Variants in NME8 observed in about 807,000 individuals in gnomAD.
NME8 encodes the protein protein NME8.
A neutral mutation model predicts 82.3 loss-of-function variants in NME8; 72 were observed. The observed-to-expected ratio is 0.87, with a 90% CI of 0.72 to 1.06. NME8 has a LOEUF of 1.06. NME8 is among the 50% of genes least tolerant of loss of function. The pLI, the probability that NME8 is intolerant of heterozygous loss-of-function variation, is 0.00. For missense variants in NME8, 712 were observed against 685.4 expected, an observed-to-expected ratio of 1.04 and a Z score of -0.43; for synonymous variants, 267 against 228.5, an observed-to-expected ratio of 1.17 and a Z score of -1.52.
chr7:37,884,362 G>A lies in NME8; in HGVS notation c.1054G>A (p.Val352Ile). 6.2e-7 allele frequency: 1 copy of A among 1,601,802 alleles called. No homozygotes were observed. The highest frequency in any genetic ancestry group is 8.6e-7 in the Non-Finnish European group (1 of 1,168,834). Residue 352 changes from valine (V) to isoleucine (I), a missense_variant, in exon 13 of 18, where the codon GTA becomes ATA. By Grantham distance (29) the Val-to-Ile change is conservative (BLOSUM62 3). Coordinates refer to ENST00000199447, the MANE Select transcript of NME8 (RefSeq NM_016616.5). The stretch of plus-strand genomic sequence containing the variant: ...CAAAATACTGGAGCAAAGACAAGTA[G>A]TATTATCGGAAAAAGAAGCACAAGC... Reference protein sequence around the residue: ...DFKILEQRQVVLSEKEAQALC... With the variant: ...DFKILEQRQVILSEKEAQALC...
chr7:37,871,567 C>T (rs931152310), intron 11 of NME8, among the ~76,000 whole-genome samples: 1 of 152,062 alleles, frequency 6.6e-6, no homozygotes, highest in Admixed American at 6.6e-5. Flanking sequence ...TGTGTTGATT[C>T]ATTCATCTAG....
intron 5 of NME8, among the ~76,000 whole-genome samples, chr7:37,852,366 G>C (rs1036971535): frequency 6.6e-6 from 1 of 151,936 alleles, no homozygotes; most frequent in East Asian, 1.9e-4. Flanking sequence ...ACCAAAAGCC[G>C]TAGTTTACAT....
rs538461690 is a variant in NME8, at chr7:37,893,836, T to A, written c.1400-630T>A. On this transcript the variant is annotated intron_variant, in intron 15 of 17. Transcript: ENST00000199447. The stretch of plus-strand genomic sequence containing the variant: ...TGTCTTAGGGCAGATCCTGGCCACC[T>A]CCCTTCCAGCAGGAGAGGTCCAGCC... 9.9e-5 allele frequency among the ~76,000 whole-genome samples: 15 copies of A among 152,256 alleles called. No individual in the cohort carries two copies. The South Asian group carries it at 2.5e-3, about 25-fold the overall frequency.
chr7:37,891,807 G>A (rs1785133604), intron 15 of NME8, among the ~76,000 whole-genome samples: 1 of 151,894 alleles, frequency 6.6e-6, no homozygotes, highest in African/African-American at 2.4e-5. Context: ...AAGTTGGGAT[G>A]GATAGGCTTG....
intron 12 of NME8, among the ~76,000 whole-genome samples, chr7:37,880,560 G>A (rs1784928931): frequency 6.6e-6 from 1 of 152,108 alleles, no homozygotes; most frequent in African/African-American, 2.4e-5. Context: ...AATCAATGTG[G>A]CTAGGTCTGG....
chr7:37,850,498 T>A, intron 4 of NME8, 63 bp downstream of exon 4: 1 of 1,586,442 alleles, frequency 6.3e-7, no homozygotes, highest in Non-Finnish European at 8.7e-7. Flanking sequence ...CCTGGCACCC[T>A]GTCCCTCTAG....
chr7:37,850,793 TCCTC>T, intron 5 of NME8, 58 bp downstream of exon 5: 1 of 1,078,278 alleles, frequency 9.3e-7, no homozygotes, highest in Non-Finnish European at 1.4e-6. Flanking sequence ...TTTTTAAGTA[TCCTC>T]TAATACTTTA....
At chr7:37,883,270 T>C (rs1583640989) in intron 12 of NME8, among the ~76,000 whole-genome samples, 1 of 152,188 alleles carries the variant, frequency 6.6e-6, no homozygotes, top group East Asian at 1.9e-4. Flanking sequence ...GTACCCTCAT[T>C]TGAGAAATCT....
At chr7:37,871,710 A>G (rs369914894) in intron 11 of NME8, among the ~76,000 whole-genome samples, 1 of 152,088 alleles carries the variant, frequency 6.6e-6, no homozygotes, top group Non-Finnish European at 1.5e-5. Context: ...AACCACCTCT[A>G]CTATATTGTA....
At position 37,850,311 on chromosome 7, in the gene NME8, A is replaced by C. The variant is rs188238656; in HGVS notation, c.33+12A>C. On this transcript the variant is annotated intron_variant, in intron 3 of 17. Transcript: ENST00000199447. ...AAGTCCAGTTACAGGTGGGTCTGAC[A>C]TATCAACAATTCTTTATCTGGTGCA... 1 of 1,614,168 alleles carries C rather than the reference A, an allele frequency of 6.2e-7. No homozygotes were observed.
At chr7:37,865,861 C>T (rs2131950666) in intron 10 of NME8, among the ~76,000 whole-genome samples, 1 of 152,138 alleles carries the variant, frequency 6.6e-6, no homozygotes, top group South Asian at 2.1e-4. Context: ...GACATGAAGA[C>T]CTCTTTATGT....
At chr7:37,857,234 A>G (rs925705213) in intron 5 of NME8, 40 bp from the exon 6 acceptor site, 3 of 1,424,564 alleles carry the variant, frequency 2.1e-6, no homozygotes, top group Non-Finnish European at 2.0e-6. Context: ...ACTTGAATAT[A>G]GTTTTATTTA....
intron 11 of NME8, among the ~76,000 whole-genome samples, chr7:37,871,131 G>C (rs182195891): frequency 6.6e-6 from 1 of 152,204 alleles, no homozygotes; most frequent in African/African-American, 2.4e-5. Context: ...ATTGAACTGG[G>C]AGTGATTGGT....
At chr7:37,852,786 G>C (rs1438974282) in intron 5 of NME8, among the ~76,000 whole-genome samples, 3 of 152,196 alleles carry the variant, frequency 2.0e-5, no homozygotes, top group Admixed American at 1.3e-4. Flanking sequence ...GGAAAAGGCT[G>C]CTATAAGCAT....
At chr7:37,879,307 C>T (rs988369480) in intron 12 of NME8, among the ~76,000 whole-genome samples, 2 of 151,970 alleles carry the variant, frequency 1.3e-5, no homozygotes, top group East Asian at 1.9e-4. Context: ...CCACCATGCC[C>T]GGCTAATTTT....
chr7:37,853,029 T>G (rs1784458597), intron 5 of NME8, among the ~76,000 whole-genome samples: 3 of 152,218 alleles, frequency 2.0e-5, no homozygotes, highest in Non-Finnish European at 2.9e-5. Context: ...CTAATAAGTG[T>G]GTAGTGGAAT....
intron 16 of NME8, among the ~76,000 whole-genome samples, chr7:37,895,907 G>T (rs1785220958): frequency 6.6e-6 from 1 of 152,166 alleles, no homozygotes; most frequent in African/African-American, 2.4e-5. Context: ...AGGTGTGTAA[G>T]AGGCTATTCT....
intron 2 of NME8, 123 bp from the exon 3 acceptor site, chr7:37,850,137 A>G (rs1562826557): frequency 2.8e-6 from 2 of 720,768 alleles, no homozygotes; most frequent in Non-Finnish European, 4.9e-6. Flanking sequence ...ATACATAAAT[A>G]TATACACCTA....
At chr7:37,884,475 C>A in intron 13 of NME8, 28 bp downstream of exon 13, 1 of 1,595,536 alleles carries the variant, frequency 6.3e-7, no homozygotes, top group Non-Finnish European at 8.6e-7. Context: ...AAAATTCAGT[C>A]TGATTTATTT....
Sources: allele counts gnomAD v4.1 joint callset (sites outside exome capture counted in the v4.1 genomes callset), GRCh38; gene constraint gnomAD v4.1.1; transcripts MANE v1.5; gene names NCBI Gene and HGNC (gene_info 2026-07-23, HGNC 2026-07-21).